Variants in FSTL5 observed in about 807,000 individuals in gnomAD.
The protein encoded by FSTL5 is follistatin like 5, also known as follistatin-related protein 5.
A neutral mutation model predicts 89.1 loss-of-function variants in FSTL5; 62 were observed. The ratio of observed to expected loss-of-function variants is 0.70; its 90% confidence interval spans 0.57 to 0.86. The LOEUF (loss-of-function observed/expected upper bound fraction) is 0.86, where lower values mean the gene tolerates loss of function less well. FSTL5 is among the 40% of genes least tolerant of loss of function. FSTL5 has a pLI of 0.00. For synonymous variants in FSTL5, 383 were observed against 346.2 expected, an observed-to-expected ratio of 1.11 and a Z score of -1.18; for missense variants, 1,057 against 1,001.6, an observed-to-expected ratio of 1.06 and a Z score of -0.75.
At chr4:161,893,142 A>G (rs550220389) in intron 4 of FSTL5, among the ~76,000 whole-genome samples, 1 of 152,256 alleles carries the variant, frequency 6.6e-6, no homozygotes, top group South Asian at 2.1e-4. Flanking sequence ...ATCAAGTGAC[A>G]ACAGATCTAA....
intron 4 of FSTL5, among the ~76,000 whole-genome samples, chr4:161,875,609 G>A (rs1198989605): frequency 1.3e-5 from 2 of 152,108 alleles, no homozygotes; most frequent in South Asian, 4.2e-4. Flanking sequence ...CGCACACTGT[G>A]GAGTGTACTT....
chr4:161,719,031 T>C (rs1460199862), intron 6 of FSTL5, among the ~76,000 whole-genome samples: 1 of 152,194 alleles, frequency 6.6e-6, no homozygotes, highest in Non-Finnish European at 1.5e-5. Flanking sequence ...TGGGATATAT[T>C]GATCGAAATA....
At chr4:162,032,514 T>C (rs999370158) in intron 3 of FSTL5, 3 of 152,172 alleles carry the variant, frequency 2.0e-5, no homozygotes, top group Non-Finnish European at 4.4e-5. Context: ...CATAATTCAT[T>C]TGAACAAAAT....
At chr4:161,697,461 C>A (rs1413812067) in intron 6 of FSTL5, among the ~76,000 whole-genome samples, 1 of 152,022 alleles carries the variant, frequency 6.6e-6, no homozygotes, top group Non-Finnish European at 1.5e-5. Context: ...TTTAAATTGA[C>A]AAACACAATT....
intron 7 of FSTL5, among the ~76,000 whole-genome samples, chr4:161,610,995 T>C (rs1734613688): frequency 6.6e-6 from 1 of 151,622 alleles, no homozygotes; most frequent in Admixed American, 6.6e-5. Flanking sequence ...AGAACATGGA[T>C]ATATAATTAA....
At chr4:162,122,456 G>C (rs1687281843) in intron 1 of FSTL5, among the ~76,000 whole-genome samples, 1 of 151,880 alleles carries the variant, frequency 6.6e-6, no homozygotes, top group African/African-American at 2.4e-5. Context: ...TCATTTCCTA[G>C]TCATGGTCTT....
chr4:161,522,468 A>G (rs1731070721), intron 10 of FSTL5, among the ~76,000 whole-genome samples: 1 of 152,056 alleles, frequency 6.6e-6, no homozygotes, highest in African/African-American at 2.4e-5. Context: ...CCCGTATTAT[A>G]TAATGTTGAT....
At chr4:161,990,739 T>G (rs1332030986) in intron 3 of FSTL5, among the ~76,000 whole-genome samples, 2 of 152,160 alleles carry the variant, frequency 1.3e-5, no homozygotes, top group Non-Finnish European at 2.9e-5. Context: ...GGTAGACATT[T>G]TCAGCTTAAT....
chr4:161,552,604 G>A (rs1426044445), intron 8 of FSTL5: 2 of 151,618 alleles, frequency 1.3e-5, no homozygotes, highest in Non-Finnish European at 3.0e-5. Flanking sequence ...AAGAAAACTA[G>A]TGAATAATAA....
intron 8 of FSTL5, among the ~76,000 whole-genome samples, chr4:161,556,151 CT>C (rs1039841246): frequency 6.6e-6 from 1 of 151,604 alleles, no homozygotes; most frequent in Non-Finnish European, 1.5e-5. Flanking sequence ...CTTCTCAGCT[CT>C]TTTTTTAACT....
chr4:161,937,232 T>G (rs1428709809), intron 3 of FSTL5, among the ~76,000 whole-genome samples: 32 of 151,936 alleles, frequency 2.1e-4, no homozygotes, highest in Admixed American at 2.0e-3. Flanking sequence ...AAGGAAACTT[T>G]ATAAAAATCA....
intron 11 of FSTL5, among the ~76,000 whole-genome samples, chr4:161,505,596 A>C (rs1410624742): frequency 6.6e-6 from 1 of 152,198 alleles, no homozygotes; most frequent in African/African-American, 2.4e-5. Flanking sequence ...TTCACACACT[A>C]ATTAGCAGGG....
intron 3 of FSTL5, among the ~76,000 whole-genome samples, chr4:161,991,336 A>G (rs1736104738): frequency 6.6e-6 from 1 of 152,082 alleles, no homozygotes; most frequent in South Asian, 2.1e-4. Flanking sequence ...AATCAAAATC[A>G]CGAAGTTGTT....
At chr4:161,949,388 A>T (rs1239595253) in intron 3 of FSTL5, among the ~76,000 whole-genome samples, 1 of 152,098 alleles carries the variant, frequency 6.6e-6, no homozygotes, top group Non-Finnish European at 1.5e-5. Flanking sequence ...ATACGCTTTT[A>T]AAAAATCTTC....
intron 2 of FSTL5, among the ~76,000 whole-genome samples, chr4:162,059,200 C>G (rs151040918): frequency 1.0e-3 from 153 of 152,200 alleles, no homozygotes; most frequent in African/African-American, 3.3e-3. Context: ...TCTATCCCAA[C>G]AAGTGTTAAG....
intron 3 of FSTL5, among the ~76,000 whole-genome samples, chr4:162,015,006 T>C (rs1395030175): frequency 1.3e-5 from 2 of 152,190 alleles, no homozygotes; most frequent in Non-Finnish European, 2.9e-5. Flanking sequence ...TGCAGATCAA[T>C]TGCCCTCACT....
chr4:161,964,455 C>T (rs1735268297), intron 3 of FSTL5, among the ~76,000 whole-genome samples: 1 of 151,986 alleles, frequency 6.6e-6, no homozygotes, highest in Non-Finnish European at 1.5e-5. Flanking sequence ...AATGAGGCTA[C>T]ATTATGTTGA....
At chr4:162,029,162 AGAGAGTGT>A (rs755558962) in intron 3 of FSTL5, among the ~76,000 whole-genome samples, 73 of 93,226 alleles carry the variant, frequency 7.8e-4, no homozygotes, top group African/African-American at 1.3e-3. Flanking sequence ...AGAGAGAGAG[AGAGAGTGT>A]GTGTGTGTGT....
chr4:162,037,264 G>T (rs773559418), intron 2 of FSTL5, among the ~76,000 whole-genome samples: 2 of 151,852 alleles, frequency 1.3e-5, no homozygotes, highest in Non-Finnish European at 2.9e-5. Flanking sequence ...GAACAGGAAG[G>T]CTTAGTCATA....
Sources: gnomAD v4.1 joint callset for allele counts (sites outside exome capture counted in the v4.1 genomes callset) on GRCh38, gnomAD v4.1.1 for gene constraint, MANE v1.5 for transcripts, NCBI Gene and HGNC (gene_info 2026-07-23, HGNC 2026-07-21) for gene names.